The following FBXW11 variants were observed in gnomAD, a reference collection of about 807,000 sequenced individuals.
FBXW11 encodes F-box/WD repeat-containing protein 11.
Under a neutral mutation model 77.6 loss-of-function variants are expected in FBXW11, and 19 were observed. The ratio of observed to expected loss-of-function variants is 0.24; its 90% CI spans 0.17 to 0.36. The LOEUF is 0.36. Ranked by LOEUF, FBXW11 falls within the 10% of genes least tolerant of loss-of-function variation. The pLI is 1.00. For missense variants in FBXW11, 334 were observed against 704.2 expected, an observed-to-expected ratio of 0.47 and a Z score of 5.95; for synonymous variants, 235 against 249.4, an observed-to-expected ratio of 0.94 and a Z score of 0.54.
intron 1 of FBXW11, among the ~76,000 whole-genome samples, chr5:172,001,283 C>A (rs1766395795): frequency 6.6e-6 from 1 of 152,180 alleles, no homozygotes; most frequent in Non-Finnish European, 1.5e-5. Context: ...AGTTTAGGCA[C>A]AACCACAAGT....
At chr5:171,900,268 C>T (rs1205675207) in intron 4 of FBXW11, among the ~76,000 whole-genome samples, 168 bp from the exon 5 acceptor site, 3 of 152,180 alleles carry the variant, frequency 2.0e-5, no homozygotes, top group African/African-American at 7.2e-5. Context: ...AACATATACA[C>T]TTCTTTTTGG....
intron 7 of FBXW11, among the ~76,000 whole-genome samples, chr5:171,887,804 C>A (rs150501678): frequency 3.9e-4 from 60 of 151,928 alleles, no homozygotes; most frequent in African/African-American, 1.4e-3. Context: ...ATTACAGGTG[C>A]CCACCACCAC....
intron 10 of FBXW11, among the ~76,000 whole-genome samples, chr5:171,872,526 G>A (rs907945259): frequency 1.3e-4 from 20 of 152,212 alleles, no homozygotes; most frequent in African/African-American, 4.8e-4. Context: ...ACACTCCCAT[G>A]TGTTAGGTAG....
At chr5:171,909,199 G>C (rs565603155) in intron 4 of FBXW11, among the ~76,000 whole-genome samples, 9 of 152,310 alleles carry the variant, frequency 5.9e-5, no homozygotes, top group African/African-American at 2.2e-4. Context: ...TGTAGTACCA[G>C]CTACTCAGGA....
intron 2 of FBXW11, among the ~76,000 whole-genome samples, chr5:171,937,152 C>A (rs1011934783): frequency 6.6e-6 from 1 of 152,188 alleles, no homozygotes; most frequent in South Asian, 2.1e-4. Context: ...ATAAGTTTAA[C>A]ATTTCCCCAA....
intron 1 of FBXW11, among the ~76,000 whole-genome samples, chr5:171,972,388 C>G (rs1033377110): frequency 6.7e-6 from 1 of 149,252 alleles, no homozygotes; most frequent in South Asian, 2.1e-4. Context: ...CTGGTCCCAG[C>G]TACTAGGGAA....
At chr5:171,910,912 TA>T in intron 3 of FBXW11, 115 bp from the exon 4 acceptor site, 1 of 696,372 alleles carries the variant, frequency 1.4e-6, no homozygotes, top group Non-Finnish European at 2.3e-6. Context: ...ACTTTTACCC[TA>T]AAGCCAAACT....
intron 2 of FBXW11, among the ~76,000 whole-genome samples, chr5:171,955,102 G>A: frequency 6.6e-6 from 1 of 152,230 alleles, no homozygotes; most frequent in East Asian, 1.9e-4. Context: ...AGTTGGTAAT[G>A]AGTGATTTTT....
rs1397476511 is a variant in FBXW11, at chr5:171,977,589, C to T, written c.46-19891G>A. 6 of 451,606 alleles carry T rather than the reference C, an allele frequency of 1.3e-5. No homozygotes were observed. In the East Asian group the frequency reaches 2.8e-4, roughly 21 times the overall value. 28.0% of individuals were successfully genotyped at this position (451,606 alleles called of 1,614,324 possible). A position where few individuals can be genotyped will look rare whatever the true frequency, so the allele number is the denominator to read the frequency against. On this transcript the variant is annotated intron_variant, in intron 1 of 13. Transcript: ENST00000517395. ...GTTTCATGCTGCCAATAAAGACATA[C>T]CTGAGACTGGGCAAGTTACAAAAGA... is the stretch of plus-strand genomic sequence containing the variant.
chr5:171,986,135 C>T (rs1399804456), intron 1 of FBXW11, among the ~76,000 whole-genome samples: 6 of 152,144 alleles, frequency 3.9e-5, no homozygotes, highest in South Asian at 2.1e-4. Context: ...TGGCCAGGAG[C>T]GGTGGCTCAC....
At chr5:171,897,385 C>G (rs1177498425) in intron 6 of FBXW11, among the ~76,000 whole-genome samples, 1 of 152,174 alleles carries the variant, frequency 6.6e-6, no homozygotes, top group African/African-American at 2.4e-5. Context: ...CCAAACCACA[C>G]TTTAAGAACC....
intron 2 of FBXW11, among the ~76,000 whole-genome samples, chr5:171,922,226 T>C (rs1761638613): frequency 6.6e-6 from 1 of 152,200 alleles, no homozygotes. Context: ...CAAATATAGT[T>C]AGAAATCAGG....
intron 2 of FBXW11, among the ~76,000 whole-genome samples, chr5:171,921,931 G>T (rs1332706478): frequency 6.6e-6 from 1 of 151,956 alleles, no homozygotes; most frequent in South Asian, 2.1e-4. Context: ...CAGAGACAGG[G>T]TCTTGCTATG....
In FBXW11 at chr5:171,899,895, A is replaced by G; in HGVS notation, c.623+19T>C. 6.4e-7 allele frequency: 1 copy of G among 1,567,422 alleles called. No homozygotes were observed. Among genetic ancestry groups the G allele is most frequent in the Non-Finnish European group, 8.7e-7 (1 of 1,155,300 alleles). The stretch of plus-strand genomic sequence containing the variant: ...GTCAATAAAATTTTTTCAAGGGAAC[A>G]AGCAACCCAAGTACTTACCACCCTC... On this transcript the variant is annotated intron_variant, in intron 5 of 13. Transcript: ENST00000517395.
intron 2 of FBXW11, among the ~76,000 whole-genome samples, chr5:171,948,698 A>T (rs1026643953): frequency 1.3e-5 from 2 of 152,260 alleles, no homozygotes; most frequent in Non-Finnish European, 2.9e-5. Context: ...GCAACATAAT[A>T]AATGTCTATA....
chr5:171,957,266 T>G (rs961264892), intron 2 of FBXW11, among the ~76,000 whole-genome samples: 3 of 152,194 alleles, frequency 2.0e-5, no homozygotes, highest in Admixed American at 1.3e-4. Context: ...AACAAAGAAC[T>G]GTTAAAGGTA....
In FBXW11 at chr5:171,876,146, T is replaced by A; in HGVS notation, c.1221+139A>T. ...CCTACAACTCTACAGATATACAGAG[T>A]GGGATGGCCTCAAGGGTTCATAAGC... On this transcript the variant is annotated intron_variant, in intron 9 of 13. Coordinates refer to ENST00000517395, the MANE Select transcript of FBXW11 (RefSeq NM_001378974.1). The surrounding 1 kb of genome is among the most constrained non-coding windows in gnomAD (Gnocchi z 4.2). 1.0e-6 allele frequency: 1 copy of A among 955,668 alleles called. No homozygotes were observed. The highest frequency in any genetic ancestry group is 1.6e-6 in the Non-Finnish European group (1 of 634,166). The allele number at this position is 955,668 out of a possible 1,614,324, so 59.2% of individuals were successfully genotyped here. A position where few individuals can be genotyped will look rare whatever the true frequency, so the allele number is the denominator to read the frequency against.
intron 4 of FBXW11, among the ~76,000 whole-genome samples, chr5:171,907,135 A>G (rs1439141749): frequency 6.6e-6 from 1 of 152,238 alleles, no homozygotes; most frequent in East Asian, 1.9e-4. Flanking sequence ...CTAAACATTT[A>G]CTATGATTTT....
At position 171,868,805 on chromosome 5, in the gene FBXW11, T is replaced by A. The variant is rs1268068989; in HGVS notation, c.1531-9A>T. ...ACACGTCCAGAATGTTCCTATGAAA[T>A]ACAAAACTTCATGAATAAAATGAGA... On this transcript the variant is annotated splice_polypyrimidine_tract_variant and intron_variant, in intron 12 of 13. Coordinates refer to ENST00000517395, the MANE Select transcript of FBXW11 (RefSeq NM_001378974.1). 3.1e-6 allele frequency: 5 copies of A among 1,607,034 alleles called. No individual in the cohort carries two copies. The highest frequency in any genetic ancestry group is 1.7e-6 in the Non-Finnish European group (2 of 1,177,324).
Sources: allele counts gnomAD v4.1 joint callset (sites outside exome capture counted in the v4.1 genomes callset), GRCh38; gene constraint gnomAD v4.1.1; non-coding constraint Gnocchi (gnomAD v3.1); transcripts MANE v1.5; gene names NCBI Gene and HGNC (gene_info 2026-07-23, HGNC 2026-07-21).